The following ABCA10 variants were observed in gnomAD, a reference collection of about 807,000 sequenced individuals.
ABCA10 encodes ATP binding cassette subfamily A member 10.
A neutral mutation model predicts 187.5 loss-of-function variants in ABCA10; 169 were observed. The observed-to-expected ratio is 0.90, with a 90% CI of 0.80 to 1.02. The LOEUF is 1.02. Ranked by LOEUF, ABCA10 falls within the 50% of genes least tolerant of loss-of-function variation. ABCA10 has a pLI of 0.00. For synonymous variants in ABCA10, 574 were observed against 601.8 expected (o/e 0.95, Z 0.68); for missense variants, 1,727 against 1,812.4 (o/e 0.95, Z 0.86).
intron 5 of ABCA10, among the ~76,000 whole-genome samples, chr17:69,220,638 T>C (rs2144846103): frequency 6.6e-6 from 1 of 152,170 alleles, no homozygotes; most frequent in East Asian, 1.9e-4. Context: ...TCCATGTTCA[T>C]TTTTGCGCAT....
chr17:69,230,516 T>C (rs969979746), upstream of ABCA10, among the ~76,000 whole-genome samples: 2 of 152,088 alleles, frequency 1.3e-5, no homozygotes, highest in African/African-American at 2.4e-5. Context: ...TTTATAATTA[T>C]ACAGTTCTGC....
At chr17:69,198,990 G>A (rs2074524879) in intron 10 of ABCA10, among the ~76,000 whole-genome samples, 1 of 152,292 alleles carries the variant, frequency 6.6e-6, no homozygotes, top group South Asian at 2.1e-4. Flanking sequence ...ACCTCTTAAA[G>A]TTAACCTCTC....
rs1291650839 is a variant in ABCA10, at chr17:69,221,909, GA to G, written c.200-15del. 1 of 1,571,376 alleles carries G rather than the reference GA, an allele frequency of 6.4e-7. No homozygotes were observed. The highest frequency in any genetic ancestry group is 1.4e-5 in the African/African-American group (1 of 73,032). ...CCCAACAGTGTTCTTTAAGGAAGAA[GA>G]AAAACATGTCCATAGTTATATAATG... On this transcript the variant is annotated splice_polypyrimidine_tract_variant and intron_variant, in intron 4 of 38. Coordinates refer to ENST00000690296, the MANE Select transcript of ABCA10 (RefSeq NM_001377321.1).
At chr17:69,151,351 C>A (rs575879513) in intron 36 of ABCA10, among the ~76,000 whole-genome samples, 1 of 152,280 alleles carries the variant, frequency 6.6e-6, no homozygotes, top group South Asian at 2.1e-4. Context: ...TGCTTAATAT[C>A]TTCACCTCCA....
rs2074245927 is a variant in ABCA10 at position 69,165,087 on chromosome 17, G to C, written c.3163-4C>G. 2.0e-6 allele frequency: 3 copies of C among 1,534,170 alleles called. No homozygotes were observed. Among genetic ancestry groups the C allele is most frequent in the Non-Finnish European group, 2.7e-6 (3 of 1,111,780 alleles). ...TTGTGGATACACATATTAAGATCTA[G>C]AAAAAAATCCAGAAGTATTATAATT... is the stretch of plus-strand genomic sequence containing the variant. On this transcript the variant is annotated splice_region_variant and splice_polypyrimidine_tract_variant and intron_variant, in intron 25 of 38. Transcript: ENST00000690296.
Position 69,153,896 on chromosome 17 carries a change from C to T in ABCA10, c.3900G>A (p.Glu1300=). ...NSLWPKLTMK[E]HLELYAAVKG... is the part of the protein sequence containing the mutation. ...TCACAGCTGCATACAACTCCAAGTGCTCTTTCATTGTAAGCTTGGGCCACA... is the reference window on the plus strand; with the variant it reads ...TCACAGCTGCATACAACTCCAAGTGTTCTTTCATTGTAAGCTTGGGCCACA... The change falls in exon 32 of 39, where the codon GAG becomes GAA. Residue 1300 remains glutamate, a synonymous_variant. Coordinates refer to ENST00000690296, the MANE Select transcript of ABCA10 (RefSeq NM_001377321.1). 6.2e-7 allele frequency: 1 copy of T among 1,614,122 alleles called. No homozygotes were observed. Among genetic ancestry groups the T allele is most frequent in the Non-Finnish European group, 8.5e-7 (1 of 1,179,990 alleles).
intron 25 of ABCA10, among the ~76,000 whole-genome samples, chr17:69,165,715 T>C (rs2074249706): frequency 1.3e-5 from 2 of 152,186 alleles, no homozygotes; most frequent in Non-Finnish European, 2.9e-5. Flanking sequence ...AACTCTTGAA[T>C]AACATTAGTT....
intron 15 of ABCA10, 81 bp from the exon 16 acceptor site, chr17:69,192,734 A>G: frequency 8.3e-7 from 1 of 1,199,698 alleles, no homozygotes; most frequent in Non-Finnish European, 1.2e-6. Flanking sequence ...ATACTAAAAC[A>G]CTGAATGAAA....
At chr17:69,165,822 A>G (rs895199097) in intron 25 of ABCA10, among the ~76,000 whole-genome samples, 1 of 152,178 alleles carries the variant, frequency 6.6e-6, no homozygotes, top group African/African-American at 2.4e-5. Context: ...TTGTCTAGAC[A>G]TATTGAAAAA....
Position 69,225,538 on chromosome 17 carries a change from C to A in ABCA10, c.-171-9G>T. ...AATGTTATTGTCCATTCCTCCAGCA[C>A]ACAAAAGAGAAATGAGCCATGTTAT... On this transcript the variant is annotated splice_polypyrimidine_tract_variant and intron_variant, in intron 2 of 38. Transcript: ENST00000690296. 1 of 566,844 alleles carries A rather than the reference C, an allele frequency of 1.8e-6. No homozygotes were observed. The highest frequency in any genetic ancestry group is 2.6e-5 in the South Asian group (1 of 38,060). The allele number at this position is 566,844 out of a possible 1,614,324, so 35.1% of individuals were successfully genotyped here. A position where few individuals can be genotyped will look rare whatever the true frequency, so the allele number is the denominator to read the frequency against.
upstream of ABCA10, among the ~76,000 whole-genome samples, chr17:69,231,351 T>C (rs565895184): frequency 9.2e-5 from 14 of 152,310 alleles, no homozygotes; most frequent in South Asian, 2.5e-3. Context: ...GTTTCTTGAG[T>C]TGCCATGTTA....
At chr17:69,239,327 G>A (rs184374164) in intron 1 of ABCA10, among the ~76,000 whole-genome samples, 1 of 152,122 alleles carries the variant, frequency 6.6e-6, no homozygotes, top group Non-Finnish European at 1.5e-5. Context: ...TAAAAAGAAT[G>A]GTTCCCAGGT....
intron 34 of ABCA10, 86 bp downstream of exon 34, chr17:69,153,219 T>C (rs1418220991): frequency 2.0e-6 from 3 of 1,489,114 alleles, no homozygotes; most frequent in African/African-American, 2.8e-5. Context: ...TGGAGCAAAA[T>C]GTAACAAAGA....
Position 69,164,966 on chromosome 17 carries a change from G to C in ABCA10, c.3280C>G (p.Gln1094Glu), listed in dbSNP as rs138716621. ...TLLGYVMLLI[Q>E]LDFMRNLDSL... ...ACACAGTAGGTAACACTGCTTACCT[G>C]GATCAATAACATGACATACCCCAGC... The change falls in exon 26 of 39, where the codon CAG (glutamine) becomes GAG (glutamate). Residue 1094 changes from glutamine (Q) to glutamate (E), a missense_variant and splice_region_variant. Physicochemically the swap from Gln to Glu is conservative, Grantham distance 29. Transcript: ENST00000690296. 3.6e-3 allele frequency: 5,792 copies of C among 1,612,736 alleles called. 18 individuals carry two copies. The highest frequency in any genetic ancestry group is 4.5e-3 in the Non-Finnish European group (5,315 of 1,179,160).
At chr17:69,221,948 G>A (rs983907505) in intron 4 of ABCA10, 53 bp from the exon 5 acceptor site, 2 of 1,359,746 alleles carry the variant, frequency 1.5e-6, no homozygotes, top group South Asian at 1.4e-5. Context: ...GTCAACTCCT[G>A]GAATTAAAAC....
chr17:69,218,196 C>T (rs1421066259), intron 6 of ABCA10, among the ~76,000 whole-genome samples: 2 of 152,092 alleles, frequency 1.3e-5, no homozygotes, highest in African/African-American at 2.4e-5. Flanking sequence ...TAGTATTTAC[C>T]TACCGTAAAG....
chr17:69,211,313 T>TTA (rs2074649179), intron 9 of ABCA10, among the ~76,000 whole-genome samples: 1 of 117,504 alleles, frequency 8.5e-6, no homozygotes, highest in South Asian at 2.5e-4. Context: ...ATCATATATA[T>TTA]GATATATATA....
rs562307354 is a variant in ABCA10, at chr17:69,219,836, A to G, written c.304-65T>C. 227 of 1,137,462 alleles carry G rather than the reference A, an allele frequency of 2.0e-4. 1 individual carries two copies. In the East Asian group the frequency reaches 5.7e-3, roughly 28 times the overall value. 70.5% of individuals were successfully genotyped at this position (1,137,462 alleles called of 1,614,324 possible). ...GACAAAATATATTAGAAAACTATAC[A>G]CTTTTTATTTTCGATTTCAATATTT... On this transcript the variant is annotated intron_variant, in intron 5 of 38. Coordinates refer to ENST00000690296, the MANE Select transcript of ABCA10 (RefSeq NM_001377321.1).
rs767835834 is a variant in ABCA10 at position 69,182,745 on chromosome 17, T to A, written c.2561A>T (p.Asp854Val). 2 of 1,612,530 alleles carry A rather than the reference T, an allele frequency of 1.2e-6. No individual in the cohort carries two copies. Among genetic ancestry groups the A allele is most frequent in the South Asian group, 2.2e-5 (2 of 90,942 alleles). ...KCQDIVLEID[D>V]FRNRNGSDDP... ...ATCTGAGCCATTTCTGTTTCTAAAG[T>A]CATCTATTTCCAAAACTATATCCTG... The change falls in exon 21 of 39, where the codon GAC (aspartate) becomes GTC (valine). Residue 854 changes from aspartate to valine, a missense_variant. Coordinates refer to ENST00000690296, the MANE Select transcript of ABCA10 (RefSeq NM_001377321.1).
Sources: allele counts gnomAD v4.1 joint callset (sites outside exome capture counted in the v4.1 genomes callset), GRCh38; gene constraint gnomAD v4.1.1; transcripts MANE v1.5; gene names NCBI Gene and HGNC (gene_info 2026-07-23, HGNC 2026-07-21).